SNX4: variants seen among roughly 807,000 people sequenced by gnomAD.
The protein encoded by SNX4 is sorting nexin-4.
In SNX4, 49 loss-of-function variants were observed where a neutral mutation model predicts 70.8. That is an observed-to-expected ratio of 0.69 (90% confidence interval 0.55 to 0.88). The LOEUF is 0.88. Ranked by LOEUF, SNX4 falls within the 40% of genes least tolerant of loss-of-function variation. The pLI is 0.00. For synonymous variants in SNX4, 206 were observed against 183.8 expected (o/e 1.12, Z -0.98); for missense variants, 528 against 544.8 (o/e 0.97, Z 0.31).
rs906770151 is a variant in SNX4 at position 125,489,429 on chromosome 3, A to C, written c.632T>G (p.Phe211Cys). 6.2e-7 allele frequency: 1 copy of C among 1,613,360 alleles called. No individual in the cohort carries two copies. Among genetic ancestry groups the C allele is most frequent in the Non-Finnish European group, 8.5e-7 (1 of 1,179,612 alleles). Reference protein sequence around the residue: ...DSRLKALNATFRVKNPDKRFT... With the variant: ...DSRLKALNATCRVKNPDKRFT... ...TTACTTGTCTGGGTTTTTCACTCTG[A>C]ATGTTGCATTAAGCGCTTTTAACCT... The change falls in exon 6 of 14, where the codon TTC becomes TGC. Residue 211 changes from phenylalanine to cysteine, a missense_variant. By Grantham distance (205) the Phe-to-Cys change is radical. This residue lies in a region of SNX4 where 341 missense variants were observed against 312.2 expected (regional missense o/e 1.09). Transcript: ENST00000251775.
chr3:125,454,771 A>G (rs1010270558), intron 11 of SNX4, among the ~76,000 whole-genome samples: 1 of 152,202 alleles, frequency 6.6e-6, no homozygotes, highest in Non-Finnish European at 1.5e-5. Context: ...AACATTTGCC[A>G]TATTTCCCCT....
intron 1 of SNX4, among the ~76,000 whole-genome samples, chr3:125,512,279 A>C (rs1935188666): frequency 6.6e-6 from 1 of 152,216 alleles, no homozygotes; most frequent in South Asian, 2.1e-4. Flanking sequence ...TCCAGTGACA[A>C]ATTCGCTGAA....
intron 12 of SNX4, among the ~76,000 whole-genome samples, chr3:125,453,030 C>G (rs1304026389): frequency 1.3e-5 from 2 of 152,162 alleles, no homozygotes; most frequent in African/African-American, 2.4e-5. Context: ...GGTCTATTCA[C>G]TGACTGTCAG....
chr3:125,502,354 T>G (rs1011964462), intron 2 of SNX4, among the ~76,000 whole-genome samples: 27 of 152,046 alleles, frequency 1.8e-4, no homozygotes, highest in African/African-American at 6.3e-4. Context: ...TCTTTCTTTT[T>G]TTTTTTTAGA....
chr3:125,504,638 T>C lies in SNX4; in HGVS notation c.248A>G (p.Tyr83Cys), dbSNP rs1166280989. The change falls in exon 2 of 14, where the codon TAC becomes TGC. Residue 83 changes from tyrosine (Y) to cysteine (C), a missense_variant. Tyr to Cys is a radical substitution (Grantham distance 194). Coordinates refer to ENST00000251775, the MANE Select transcript of SNX4 (RefSeq NM_003794.4). ...TGTTACCCACCTTGTTTCAATGAGG[T>C]AAGCAGTATATGTTTCTTGCATGTT... ...AMNMQETYTA[Y>C]LIETRSVEHT... is the part of the protein sequence containing the mutation. The C allele has an allele frequency of 6.2e-7, 1 of 1,613,532 alleles. No individual in the cohort carries two copies. Among genetic ancestry groups the C allele is most frequent in the South Asian group, 1.1e-5 (1 of 90,776 alleles).
In SNX4 at chr3:125,450,273, G is replaced by A. The variant is rs116765750; in HGVS notation, c.1305+1032C>T. Among the ~76,000 whole-genome samples the A allele has an allele frequency of 4.5e-3, 679 of 152,180 alleles. 3 individuals are homozygous for A. The highest frequency in any genetic ancestry group is 0.015 in the African/African-American group (636 of 41,522). On this transcript the variant is annotated intron_variant, in intron 13 of 13. Coordinates refer to ENST00000251775, the MANE Select transcript of SNX4 (RefSeq NM_003794.4). ...GTTTTAAGTGACTCCAAAGATCCACGGTATACAGTAACTTATAATTCACTG... is the reference window on the plus strand; with the variant it reads ...GTTTTAAGTGACTCCAAAGATCCACAGTATACAGTAACTTATAATTCACTG...
chr3:125,517,678 T>C (rs1028519551), intron 1 of SNX4, among the ~76,000 whole-genome samples: 9 of 152,180 alleles, frequency 5.9e-5, no homozygotes, highest in Non-Finnish European at 1.2e-4. Flanking sequence ...AGGGAGTTGT[T>C]TTAAGAAACC....
intron 5 of SNX4, among the ~76,000 whole-genome samples, chr3:125,490,000 G>A (rs1415519139): frequency 2.0e-5 from 3 of 152,064 alleles, no homozygotes; most frequent in African/African-American, 7.2e-5. Flanking sequence ...GTGATGGCGC[G>A]TGCCTGTAAT....
chr3:125,476,906 A>G (rs1934301968), intron 7 of SNX4, 150 bp from the exon 8 acceptor site: 1 of 552,930 alleles, frequency 1.8e-6, no homozygotes, highest in South Asian at 2.6e-5. Context: ...CCATCCCCCT[A>G]AAACTAAAAC....
intron 8 of SNX4, among the ~76,000 whole-genome samples, chr3:125,473,447 G>C (rs1302277045): frequency 2.0e-5 from 3 of 150,008 alleles, no homozygotes; most frequent in African/African-American, 7.4e-5. Flanking sequence ...ATGGAGTCTT[G>C]CTCTGTCACC....
chr3:125,463,265 A>G (rs115203189), intron 9 of SNX4, among the ~76,000 whole-genome samples: 5,759 of 152,264 alleles, frequency 0.038, 248 homozygotes, highest in African/African-American at 0.092. Flanking sequence ...ATGTGACTGG[A>G]AAAAAGTCTT....
At chr3:125,516,453 AAG>A (rs952613848) in intron 1 of SNX4, among the ~76,000 whole-genome samples, 3 of 152,222 alleles carry the variant, frequency 2.0e-5, no homozygotes, top group Admixed American at 2.0e-4. Flanking sequence ...TTAAAACCAG[AAG>A]AGTCTTGTGA....
intron 12 of SNX4, among the ~76,000 whole-genome samples, chr3:125,451,887 A>G (rs573046495): frequency 1.3e-3 from 198 of 152,134 alleles, no homozygotes; most frequent in Non-Finnish European, 2.3e-3. Flanking sequence ...TCAGCCTCCC[A>G]AACTGCTGGG....
At position 125,484,644 on chromosome 3, in the gene SNX4, T is replaced by G. The variant is rs887902802; in HGVS notation, c.654-4325A>C. 5.9e-5 allele frequency among the ~76,000 whole-genome samples: 9 copies of G among 152,232 alleles called. No individual in the cohort carries two copies. In the East Asian group the frequency reaches 1.7e-3, roughly 29 times the overall value. ...GATGTCATCCATTTCTCAAGACTCATGTTGAAAAGACCCTCCATCAAGGCT... is the reference window on the plus strand; with the variant it reads ...GATGTCATCCATTTCTCAAGACTCAGGTTGAAAAGACCCTCCATCAAGGCT... On this transcript the variant is annotated intron_variant, in intron 6 of 13. Transcript: ENST00000251775.
chr3:125,506,817 T>TAAA (rs71148182), intron 1 of SNX4, among the ~76,000 whole-genome samples: 6 of 26,820 alleles, frequency 2.2e-4, no homozygotes, highest in Non-Finnish European at 4.7e-4. Context: ...GTGGAGAAAG[T>TAAA]AAAAAAAAAA....
intron 13 of SNX4, among the ~76,000 whole-genome samples, chr3:125,448,669 C>CTTTTTTTT (rs921502028): frequency 4.2e-5 from 4 of 95,374 alleles, no homozygotes; most frequent in Non-Finnish European, 5.9e-5. Flanking sequence ...GGGTTTTTTC[C>CTTTTTTTT]TTTTTTTTTT....
At chr3:125,483,394 C>T (rs1210260433) in intron 6 of SNX4, among the ~76,000 whole-genome samples, 1 of 151,988 alleles carries the variant, frequency 6.6e-6, no homozygotes, top group African/African-American at 2.4e-5. Flanking sequence ...GATTAGGTCC[C>T]CTAAAAATGT....
chr3:125,469,749 T>G (rs1398479960), intron 8 of SNX4, among the ~76,000 whole-genome samples: 2 of 152,214 alleles, frequency 1.3e-5, no homozygotes, highest in African/African-American at 2.4e-5. Context: ...AAGGTAAGTA[T>G]CATACTCAAC....
At chr3:125,494,548 TAA>T (rs1213916525) in intron 5 of SNX4, among the ~76,000 whole-genome samples, 2 of 152,238 alleles carry the variant, frequency 1.3e-5, no homozygotes, top group Non-Finnish European at 2.9e-5. Flanking sequence ...TTTTAGATTC[TAA>T]AAAAAGTTTT....
Sources: gnomAD v4.1 joint callset for allele counts (sites outside exome capture counted in the v4.1 genomes callset) on GRCh38, gnomAD v4.1.1 for gene constraint, gnomAD v4.1.1 regional missense constraint, MANE v1.5 for transcripts, NCBI Gene and HGNC (gene_info 2026-07-23, HGNC 2026-07-21) for gene names.